Variants in SLCO6A1 observed in about 807,000 individuals in gnomAD.
SLCO6A1 encodes the protein solute carrier organic anion transporter family member 6A1.
In SLCO6A1, 65 loss-of-function variants were observed where a neutral mutation model predicts 72.7. The ratio of observed to expected loss-of-function variants is 0.89; its 90% confidence interval spans 0.73 to 1.10. SLCO6A1 has a LOEUF of 1.10. SLCO6A1 is among the 50% of genes least tolerant of loss of function. SLCO6A1 has a pLI of 0.00. For synonymous variants in SLCO6A1, 314 were observed against 298.2 expected, an observed-to-expected ratio of 1.05 and a Z score of -0.55; for missense variants, 874 against 872.6, an observed-to-expected ratio of 1.00 and a Z score of -0.02.
intron 3 of SLCO6A1, 99 bp downstream of exon 3, chr5:102,477,577 A>C: frequency 1.1e-6 from 1 of 905,150 alleles, no homozygotes; most frequent in Non-Finnish European, 1.7e-6. Flanking sequence ...CAATGTTATC[A>C]TAAGGGCCAA....
intron 8 of SLCO6A1, 36 bp from the exon 9 acceptor site, chr5:102,413,179 T>C: frequency 6.6e-7 from 1 of 1,507,994 alleles, no homozygotes; most frequent in Non-Finnish European, 8.8e-7. Flanking sequence ...CATATTACCA[T>C]TGTTTTATAA....
chr5:102,411,640 C>G (rs1747988292), intron 9 of SLCO6A1, among the ~76,000 whole-genome samples: 1 of 150,430 alleles, frequency 6.6e-6, no homozygotes, highest in South Asian at 2.1e-4. Context: ...TCTAAGGGAT[C>G]TGGGGACTCA....
intron 1 of SLCO6A1, among the ~76,000 whole-genome samples, 193 bp downstream of exon 1, chr5:102,498,294 G>A (rs1490755567): frequency 6.6e-6 from 1 of 152,174 alleles, no homozygotes; most frequent in Non-Finnish European, 1.5e-5. Flanking sequence ...CTAGGCAGCG[G>A]GCAAGGTAAA....
At chr5:102,411,676 CA>C (rs1297569292) in intron 9 of SLCO6A1, among the ~76,000 whole-genome samples, 15 of 151,858 alleles carry the variant, frequency 9.9e-5, no homozygotes, top group African/African-American at 3.6e-4. Context: ...AAATTCTCAT[CA>C]GATGGGTTTT....
chr5:102,417,759 T>C (rs1459928857), intron 8 of SLCO6A1, among the ~76,000 whole-genome samples: 1 of 152,168 alleles, frequency 6.6e-6, no homozygotes, highest in Non-Finnish European at 1.5e-5. Context: ...AAAGACTTCC[T>C]TTAACATTTT....
chr5:102,450,714 G>A (rs1007381294), intron 6 of SLCO6A1, among the ~76,000 whole-genome samples: 2 of 152,168 alleles, frequency 1.3e-5, no homozygotes, highest in Non-Finnish European at 2.9e-5. Context: ...ATCTCTTGGG[G>A]CTCCACTCCA....
chr5:102,435,896 TCAGGAG>T (rs1336592659), intron 7 of SLCO6A1, among the ~76,000 whole-genome samples: 1 of 151,370 alleles, frequency 6.6e-6, no homozygotes, highest in Admixed American at 6.6e-5. Context: ...AAAAAAGTTA[TCAGGAG>T]CTGGAGCTGG....
intron 4 of SLCO6A1, among the ~76,000 whole-genome samples, chr5:102,469,245 C>T (rs1482633395): frequency 6.6e-6 from 1 of 151,938 alleles, no homozygotes; most frequent in Non-Finnish European, 1.5e-5. Context: ...CTATAAATTA[C>T]CTTGGGCAGT....
At chr5:102,396,835 G>C (rs1159475601) in intron 10 of SLCO6A1, among the ~76,000 whole-genome samples, 2 of 152,076 alleles carry the variant, frequency 1.3e-5, no homozygotes, top group African/African-American at 4.8e-5. Context: ...TACTCTGCAG[G>C]GTCCTGAGGC....
At chr5:102,377,604 GTT>G (rs946049460) in intron 12 of SLCO6A1, among the ~76,000 whole-genome samples, 1 of 150,998 alleles carries the variant, frequency 6.6e-6, no homozygotes, top group African/African-American at 2.4e-5. Context: ...TTACACCTCA[GTT>G]TTTTTTAATA....
chr5:102,372,147 T>C (rs958529712), intron 13 of SLCO6A1, 24 bp from the exon 14 acceptor site: 2 of 151,748 alleles, frequency 1.3e-5, no homozygotes, highest in African/African-American at 4.8e-5. Context: ...CAGAGAAGAG[T>C]CAAGCAATCA....
chr5:102,373,663 G>T (rs560667985), intron 12 of SLCO6A1, among the ~76,000 whole-genome samples, 169 bp from the exon 13 acceptor site: 1 of 147,622 alleles, frequency 6.8e-6, no homozygotes, highest in East Asian at 2.0e-4. Context: ...TTACTTAAAG[G>T]AGATTTTTAA....
intron 7 of SLCO6A1, among the ~76,000 whole-genome samples, chr5:102,436,120 C>T (rs1246301770): frequency 1.3e-5 from 2 of 152,154 alleles, no homozygotes; most frequent in Non-Finnish European, 2.9e-5. Flanking sequence ...CACAAATATA[C>T]CTTTACAGTA....
At chr5:102,376,239 G>A (rs995423387) in intron 12 of SLCO6A1, among the ~76,000 whole-genome samples, 5 of 152,004 alleles carry the variant, frequency 3.3e-5, no homozygotes, top group South Asian at 2.1e-4. Context: ...AAACAAAAAT[G>A]TAAAATAATT....
At chr5:102,375,545 T>C (rs1901515) in intron 12 of SLCO6A1, among the ~76,000 whole-genome samples, 55,338 of 151,924 alleles carry the variant, frequency 0.36, 10,366 homozygotes, top group Middle Eastern at 0.42. Context: ...CTATTTCCCA[T>C]TAAAAGTGAA....
chr5:102,431,567 C>G (rs538902275), intron 7 of SLCO6A1, among the ~76,000 whole-genome samples: 7 of 152,214 alleles, frequency 4.6e-5, no homozygotes, highest in African/African-American at 1.7e-4. Context: ...GTCTTGATTT[C>G]TATTTTTATT....
intron 4 of SLCO6A1, among the ~76,000 whole-genome samples, chr5:102,465,783 G>A (rs1407041440): frequency 6.6e-6 from 1 of 152,090 alleles, no homozygotes; most frequent in Non-Finnish European, 1.5e-5. Flanking sequence ...TTCACCTGGT[G>A]AGGTGACCCA....
At chr5:102,444,949 C>T (rs887527624) in intron 6 of SLCO6A1, among the ~76,000 whole-genome samples, 2 of 152,120 alleles carry the variant, frequency 1.3e-5, no homozygotes, top group Non-Finnish European at 2.9e-5. Context: ...ATATATACTA[C>T]ATTTTCTTTA....
rs530521928 is a variant in SLCO6A1 at position 102,377,484 on chromosome 5, A to T, written c.2018-3990T>A. On this transcript the variant is annotated intron_variant, in intron 12 of 13. Coordinates refer to ENST00000506729, the MANE Select transcript of SLCO6A1 (RefSeq NM_173488.5). ...TCTGAAAAGGAGGGAAAATGACTGG[A>T]AAAGGTTATGGGAAAAATTTCCATA... 2.7e-3 allele frequency among the ~76,000 whole-genome samples: 405 copies of T among 152,210 alleles called. 1 individual carries two copies. Among genetic ancestry groups the T allele is most frequent in the African/African-American group, 9.4e-3 (391 of 41,546 alleles).
Sources: gnomAD v4.1 joint callset for allele counts (sites outside exome capture counted in the v4.1 genomes callset) on GRCh38, gnomAD v4.1.1 for gene constraint, MANE v1.5 for transcripts, NCBI Gene and HGNC (gene_info 2026-07-23, HGNC 2026-07-21) for gene names.